MECOM: variants seen among roughly 807,000 people sequenced by gnomAD.
MECOM encodes the protein histone-lysine N-methyltransferase MECOM.
A neutral mutation model predicts 116.3 loss-of-function variants in MECOM; 13 were observed. The ratio of observed to expected loss-of-function variants is 0.11; its 90% confidence interval spans 0.07 to 0.18. The LOEUF is 0.18. Ranked by LOEUF, MECOM falls within the 10% of genes least tolerant of loss-of-function variation. The pLI is 1.00. For synonymous variants in MECOM, 528 were observed against 535.2 expected, an observed-to-expected ratio of 0.99 and a Z score of 0.19; for missense variants, 1,299 against 1,509.0, an observed-to-expected ratio of 0.86 and a Z score of 2.31.
intron 1 of MECOM, chr3:169,472,875 G>T: frequency 1.7e-6 from 1 of 599,986 alleles, no homozygotes; most frequent in Non-Finnish European, 2.1e-6. Context: ...CTTAATGACT[G>T]CTTACTATTG....
chr3:169,486,486 AAT>A (rs1359864380), intron 1 of MECOM, among the ~76,000 whole-genome samples: 2 of 152,112 alleles, frequency 1.3e-5, no homozygotes, highest in Non-Finnish European at 2.9e-5. Context: ...ATGAAGAATT[AAT>A]ATGATCAGAA....
chr3:169,149,182 T>C (rs994440725), intron 2 of MECOM, among the ~76,000 whole-genome samples: 13 of 151,930 alleles, frequency 8.6e-5, no homozygotes, highest in Admixed American at 2.0e-4. Flanking sequence ...TTATGATGCA[T>C]TGTGTATTAA....
At chr3:169,530,700 A>G (rs1333720242) in intron 1 of MECOM, among the ~76,000 whole-genome samples, 1 of 152,150 alleles carries the variant, frequency 6.6e-6, no homozygotes, top group African/African-American at 2.4e-5. Flanking sequence ...CTTACTGACT[A>G]TAGACTTGGC....
chr3:169,127,676 G>A (rs1037454188), intron 5 of MECOM, among the ~76,000 whole-genome samples, 168 bp downstream of exon 5: 1 of 152,076 alleles, frequency 6.6e-6, no homozygotes, highest in African/African-American at 2.4e-5. Flanking sequence ...CACTGTAAAT[G>A]TTTTACAGAT....
At chr3:169,349,094 G>A (rs1279867681) in intron 2 of MECOM, among the ~76,000 whole-genome samples, 1 of 139,914 alleles carries the variant, frequency 7.1e-6, no homozygotes, top group African/African-American at 2.7e-5. Context: ...CTCCCCCAGT[G>A]TTTTTCTCCC....
rs183104204 is a variant in MECOM at position 169,470,141 on chromosome 3, G to C, written c.38-88617C>G. The C allele has an allele frequency of 1.2e-3, 177 of 152,234 alleles. 2 individuals are homozygous for C. The highest frequency in any genetic ancestry group is 3.8e-3 in the African/African-American group (157 of 41,502). The allele number at this position is 152,234 out of a possible 1,614,324, so 9.4% of individuals were successfully genotyped here. A position where few individuals can be genotyped will look rare whatever the true frequency, so the allele number is the denominator to read the frequency against. ...ATATGATTACAAACAATTTTATTTT[G>C]CAGAAGCTTGGAGTTGGAACAATTC... On this transcript the variant is annotated intron_variant, in intron 1 of 16. Transcript: ENST00000651503.
chr3:169,570,697 A>G (rs770769107), intron 1 of MECOM, among the ~76,000 whole-genome samples: 66 of 152,238 alleles, frequency 4.3e-4, no homozygotes, highest in Non-Finnish European at 8.8e-4. Context: ...ATGCAAATCT[A>G]TAAACATAAT....
intron 2 of MECOM, among the ~76,000 whole-genome samples, chr3:169,265,022 G>T (rs759137574): frequency 2.7e-5 from 4 of 150,010 alleles, no homozygotes; most frequent in Admixed American, 6.6e-5. Flanking sequence ...TTCTTAAGCA[G>T]CAGCAAAACA....
chr3:169,425,698 C>T (rs530947798), intron 1 of MECOM, among the ~76,000 whole-genome samples: 21 of 152,088 alleles, frequency 1.4e-4, no homozygotes, highest in Admixed American at 3.3e-4. Context: ...ACATTCTTAG[C>T]CACTTTATTT....
At chr3:169,457,786 T>TTTTTG (rs1233769490) in intron 1 of MECOM, among the ~76,000 whole-genome samples, 10 of 152,208 alleles carry the variant, frequency 6.6e-5, no homozygotes, top group Non-Finnish European at 1.2e-4. Flanking sequence ...TGGGTTTCTT[T>TTTTTG]TTTTGTTTTG....
At chr3:169,659,957 T>A (rs1209103695) in intron 1 of MECOM, among the ~76,000 whole-genome samples, 1 of 152,176 alleles carries the variant, frequency 6.6e-6, no homozygotes, top group East Asian at 1.9e-4. Flanking sequence ...TTTGAGACTT[T>A]ACGAGACTTC....
At chr3:169,281,259 A>G (rs2149678237) in intron 2 of MECOM, among the ~76,000 whole-genome samples, 1 of 152,318 alleles carries the variant, frequency 6.6e-6, no homozygotes, top group South Asian at 2.1e-4. Flanking sequence ...CCATCTGAGG[A>G]GTACTAACGT....
At chr3:169,532,858 CAT>C (rs59329432) in intron 1 of MECOM, among the ~76,000 whole-genome samples, 10,462 of 152,024 alleles carry the variant, frequency 0.069, 417 homozygotes, top group African/African-American at 0.091. Context: ...CATTTTTACA[CAT>C]AGACATTTTT....
chr3:169,447,472 A>G (rs1403970339), intron 1 of MECOM, among the ~76,000 whole-genome samples: 4 of 152,124 alleles, frequency 2.6e-5, no homozygotes, highest in African/African-American at 9.7e-5. Context: ...TGAGTTTGAG[A>G]TGTCCAAAGA....
At chr3:169,243,306 C>T (rs991227762) in intron 2 of MECOM, among the ~76,000 whole-genome samples, 1 of 152,112 alleles carries the variant, frequency 6.6e-6, no homozygotes, top group African/African-American at 2.4e-5. Context: ...TTTCTCATTC[C>T]AACCCAGAAA....
At chr3:169,522,191 A>C (rs537022276) in intron 1 of MECOM, among the ~76,000 whole-genome samples, 1 of 152,324 alleles carries the variant, frequency 6.6e-6, no homozygotes, top group South Asian at 2.1e-4. Context: ...TTACTCAATC[A>C]TGTAGCTCAT....
At chr3:169,179,367 A>G (rs2149391142) in intron 2 of MECOM, among the ~76,000 whole-genome samples, 1 of 152,332 alleles carries the variant, frequency 6.6e-6, no homozygotes, top group East Asian at 1.9e-4. Flanking sequence ...AAAGCCAGTC[A>G]ACAGGGAATA....
intron 2 of MECOM, among the ~76,000 whole-genome samples, chr3:169,207,040 A>C (rs374464649): frequency 3.3e-5 from 5 of 152,348 alleles, no homozygotes; most frequent in African/African-American, 1.2e-4. Context: ...ATAAAGAACA[A>C]AAATATCTTG....
chr3:169,482,389 C>G (rs966224229), intron 1 of MECOM, among the ~76,000 whole-genome samples: 1 of 142,622 alleles, frequency 7.0e-6, no homozygotes, highest in Non-Finnish European at 1.5e-5. Context: ...TGGAATGCAG[C>G]GGTGCAATCC....
Sources: gnomAD v4.1 joint callset for allele counts (sites outside exome capture counted in the v4.1 genomes callset) on GRCh38, gnomAD v4.1.1 for gene constraint, MANE v1.5 for transcripts, NCBI Gene and HGNC (gene_info 2026-07-23, HGNC 2026-07-21) for gene names.